Variants in UHRF1 observed in about 807,000 individuals in gnomAD.
The protein encoded by UHRF1 is ubiquitin like with PHD and ring finger domains 1.
In UHRF1, 9 loss-of-function variants were observed where a neutral mutation model predicts 96.5. That is an observed-to-expected ratio of 0.09 (90% CI 0.06 to 0.16). The LOEUF (loss-of-function observed/expected upper bound fraction) is 0.16, where lower values mean the gene tolerates loss of function less well. Among genes scored for constraint, UHRF1 ranks in the 10% least tolerant of loss-of-function variants. The pLI is 1.00. For missense variants in UHRF1, 626 were observed against 1,131.1 expected (o/e 0.55, Z 6.40); for synonymous variants, 455 against 469.9 (o/e 0.97, Z 0.41).
intron 2 of UHRF1, among the ~76,000 whole-genome samples, chr19:4,916,627 C>A (rs887462281): frequency 6.6e-6 from 1 of 152,158 alleles, no homozygotes; most frequent in Admixed American, 6.5e-5. Context: ...GATGCCCTCG[C>A]GGCGCCGTCC....
At position 4,954,878 on chromosome 19, in the gene UHRF1, G is replaced by A. The variant is rs1048429346; in HGVS notation, c.2130+56G>A. ...ATTTGCGTTGACTGCGGTAAAATGTGTGGGGCTTGTTTCCCATGTTCCCCA... is the reference window on the plus strand; with the variant it reads ...ATTTGCGTTGACTGCGGTAAAATGTATGGGGCTTGTTTCCCATGTTCCCCA... On this transcript the variant is annotated intron_variant, in intron 15 of 16. Transcript: ENST00000650932. This position sits in a 1 kb window ranked among gnomAD's most constrained non-coding sequence, Gnocchi z 5.9. 2 of 1,592,634 alleles carry A rather than the reference G, an allele frequency of 1.3e-6. No homozygotes were observed. The highest frequency in any genetic ancestry group is 1.7e-6 in the Non-Finnish European group (2 of 1,166,904).
intron 7 of UHRF1, among the ~76,000 whole-genome samples, chr19:4,942,194 T>C (rs1568424570): frequency 1.3e-5 from 2 of 151,906 alleles, no homozygotes; most frequent in South Asian, 2.1e-4. Context: ...CTTTTCTTTT[T>C]CTTTTCTTTT....
At chr19:4,915,791 T>A (rs1207199130) in intron 2 of UHRF1, among the ~76,000 whole-genome samples, 1 of 152,168 alleles carries the variant, frequency 6.6e-6, no homozygotes, top group East Asian at 1.9e-4. Context: ...GTTGGTCAAT[T>A]AGATTGCATA....
chr19:4,913,824 TTTTTTG>T (rs970708986), intron 2 of UHRF1, among the ~76,000 whole-genome samples: 5 of 126,548 alleles, frequency 4.0e-5, no homozygotes, highest in Non-Finnish European at 6.7e-5. Context: ...TTTTTTTTTT[TTTTTTG>T]GAGACAGTTT....
At chr19:4,911,071 C>G in intron 2 of UHRF1, 33 bp downstream of exon 2, 2 of 1,511,068 alleles carry the variant, frequency 1.3e-6, no homozygotes, top group South Asian at 1.3e-5. Flanking sequence ...TGTTCTATGC[C>G]TGGTCCAGGC....
rs1359150141 is a variant in UHRF1 at position 4,929,342 on chromosome 19, G to A, written c.274G>A (p.Asp92Asn). ...STKERDSELS[D>N]TDSGCCLGQS... ...CAAGGAGCGGGACTCCGAGCTCTCC[G>A]ACACCGACTCCGGCTGCTGCCTGGG... Residue 92 changes from aspartate (D) to asparagine (N), a missense_variant, in exon 3 of 17, where the codon GAC becomes AAC. This residue lies in a region of UHRF1 where 53 missense variants were observed against 95.9 expected (regional missense o/e 0.55). Coordinates refer to ENST00000650932, the MANE Select transcript of UHRF1 (RefSeq NM_001048201.3). 1.9e-6 allele frequency: 3 copies of A among 1,613,584 alleles called. No homozygotes were observed. The highest frequency in any genetic ancestry group is 1.7e-6 in the Non-Finnish European group (2 of 1,179,894).
chr19:4,909,459 C>A, upstream of UHRF1: 1 of 653,716 alleles, frequency 1.5e-6, no homozygotes, highest in Non-Finnish European at 2.8e-6. Flanking sequence ...CCTCCTGCGG[C>A]CCCGCAACTC....
rs2033404535 is a variant in UHRF1 at position 4,941,640 on chromosome 19, G to A, written c.886+12G>A. On this transcript the variant is annotated intron_variant, in intron 6 of 16. Transcript: ENST00000650932. ...CAACCCCATGAGACGTGAGTTCTGA[G>A]CCAGCCTTTCCCCATCTTCCGCGGT... 1 of 1,610,944 alleles carries A rather than the reference G, an allele frequency of 6.2e-7. No homozygotes were observed. The highest frequency in any genetic ancestry group is 1.3e-5 in the African/African-American group (1 of 75,008).
chr19:4,911,920 C>A (rs1012920233), intron 2 of UHRF1, among the ~76,000 whole-genome samples: 3 of 152,134 alleles, frequency 2.0e-5, no homozygotes, highest in Admixed American at 6.6e-5. Flanking sequence ...GCTGCGTGTA[C>A]CCCACTGTGT....
rs533029346 is a variant in UHRF1 at position 4,913,973 on chromosome 19, A to G, written c.153+2935A>G. ...ATTACAGGTGTGCGCCACCATGCGCAGCTAATTTTTTTTGTATTTTTAGTA... is the reference window on the plus strand; with the variant it reads ...ATTACAGGTGTGCGCCACCATGCGCGGCTAATTTTTTTTGTATTTTTAGTA... On this transcript the variant is annotated intron_variant, in intron 2 of 16. Coordinates refer to ENST00000650932, the MANE Select transcript of UHRF1 (RefSeq NM_001048201.3). Among the ~76,000 whole-genome samples, 31 of 151,918 alleles carry G rather than the reference A, an allele frequency of 2.0e-4. 1 individual carries two copies. The highest frequency in any genetic ancestry group is 7.2e-4 in the African/African-American group (30 of 41,446).
chr19:4,903,868 G>C (rs1440639405), intron 1 of UHRF1, among the ~76,000 whole-genome samples: 1 of 152,176 alleles, frequency 6.6e-6, no homozygotes, highest in African/African-American at 2.4e-5. Context: ...AAAAAACATA[G>C]AGATATGGCC....
intron 10 of UHRF1, among the ~76,000 whole-genome samples, chr19:4,946,348 T>C (rs554628120): frequency 6.6e-6 from 1 of 152,270 alleles, no homozygotes; most frequent in East Asian, 1.9e-4. Flanking sequence ...GTCGCATGTG[T>C]CCGGATTCCC....
rs779742785 is a variant in UHRF1, at chr19:4,944,464, C to T, written c.1305+14C>T. Reference sequence around the variant, plus strand: ...TTCCGAGTCCAGGTACCTGCAGCGTCCCGGGGCTCCAGGGGCCACGCGGGC... The same window carrying T: ...TTCCGAGTCCAGGTACCTGCAGCGTTCCGGGGCTCCAGGGGCCACGCGGGC... On this transcript the variant is annotated intron_variant, in intron 9 of 16. Transcript: ENST00000650932. The T allele has an allele frequency of 6.8e-6, 11 of 1,613,618 alleles. No homozygotes were observed. In the South Asian group the frequency reaches 1.1e-4, roughly 16 times the overall value.
At chr19:4,945,046 G>T (rs1468429318) in intron 9 of UHRF1, among the ~76,000 whole-genome samples, 1 of 152,164 alleles carries the variant, frequency 6.6e-6, no homozygotes, top group Non-Finnish European at 1.5e-5. Flanking sequence ...GGGTGGACAA[G>T]CTGGGCCTCA....
chr19:4,953,342 G>C (rs1568183052), intron 13 of UHRF1, among the ~76,000 whole-genome samples: 1 of 152,178 alleles, frequency 6.6e-6, no homozygotes, highest in African/African-American at 2.4e-5. Context: ...CATACGTTTG[G>C]ACTGGTGATT....
At chr19:4,909,275 C>A, upstream of UHRF1, 1 of 528,468 alleles carries the variant, frequency 1.9e-6, no homozygotes, top group Non-Finnish European at 3.3e-6. Context: ...CCAGGCCCTG[C>A]CACGCAGCCC....
chr19:4,950,312 C>T (rs1164801725), intron 11 of UHRF1, among the ~76,000 whole-genome samples: 5 of 150,906 alleles, frequency 3.3e-5, no homozygotes, highest in African/African-American at 7.3e-5. Flanking sequence ...GGCATAATCT[C>T]GGCTCACTGC....
chr19:4,954,236 T>G lies in UHRF1; in HGVS notation c.1819-114T>G. 6.7e-7 allele frequency: 1 copy of G among 1,482,830 alleles called. No homozygotes were observed. Among genetic ancestry groups the G allele is most frequent in the Non-Finnish European group, 9.1e-7 (1 of 1,099,286 alleles). The allele number at this position is 1,482,830 out of a possible 1,614,324, so 91.9% of individuals were successfully genotyped here. A position where few individuals can be genotyped will look rare whatever the true frequency, so the allele number is the denominator to read the frequency against. On this transcript the variant is annotated intron_variant, in intron 13 of 16. Coordinates refer to ENST00000650932, the MANE Select transcript of UHRF1 (RefSeq NM_001048201.3). The surrounding 1 kb of genome is among the most constrained non-coding windows in gnomAD (Gnocchi z 5.9). ...GACTACCCTGTGCTCTTCAGGGGGA[T>G]TGGGGGTCAGGTGTGTCTGGAAACC...
rs1210124298 is a variant in UHRF1, at chr19:4,942,283, C to A, written c.1073+352C>A. ...TCAGCTCACTGCAAGCTCCGCCTCTCGGGTTCACGCCATTCTCCTGCCTCA... is the reference window on the plus strand; with the variant it reads ...TCAGCTCACTGCAAGCTCCGCCTCTAGGGTTCACGCCATTCTCCTGCCTCA... On this transcript the variant is annotated intron_variant, in intron 7 of 16. Coordinates refer to ENST00000650932, the MANE Select transcript of UHRF1 (RefSeq NM_001048201.3). Among the ~76,000 whole-genome samples the A allele has an allele frequency of 4.6e-5, 7 of 151,982 alleles. No individual in the cohort carries two copies. The South Asian group carries it at 6.2e-4, about 13-fold the overall frequency.
Sources: allele counts gnomAD v4.1 joint callset (sites outside exome capture counted in the v4.1 genomes callset), GRCh38; gene constraint gnomAD v4.1.1; regional missense constraint gnomAD v4.1.1; non-coding constraint Gnocchi (gnomAD v3.1); transcripts MANE v1.5; gene names NCBI Gene and HGNC (gene_info 2026-07-23, HGNC 2026-07-21).